PDE4B: variants seen among roughly 807,000 people sequenced by gnomAD.
PDE4B encodes phosphodiesterase 4B.
PDE4B carries 20 observed loss-of-function variants against 82.2 expected under a neutral mutation model. The ratio of observed to expected loss-of-function variants is 0.24; its 90% CI spans 0.17 to 0.35. The LOEUF (loss-of-function observed/expected upper bound fraction) is 0.35. PDE4B is among the 10% of genes least tolerant of loss of function. The pLI, the probability that PDE4B is intolerant of heterozygous loss-of-function variation, is 1.00. For synonymous variants in PDE4B, 320 were observed against 318.9 expected, an observed-to-expected ratio of 1.00 and a Z score of -0.04; for missense variants, 655 against 907.2, an observed-to-expected ratio of 0.72 and a Z score of 3.57.
At chr1:66,329,823 C>A (rs1313337831) in intron 7 of PDE4B, among the ~76,000 whole-genome samples, 1 of 152,178 alleles carries the variant, frequency 6.6e-6, no homozygotes, top group Non-Finnish European at 1.5e-5. Context: ...TCATGATTCT[C>A]ACTCCAAATC....
At chr1:66,043,784 C>A (rs1259873247) in intron 3 of PDE4B, among the ~76,000 whole-genome samples, 2 of 151,650 alleles carry the variant, frequency 1.3e-5, no homozygotes, top group African/African-American at 4.8e-5. Flanking sequence ...AGAACCAACA[C>A]AAAACAGGCA....
intron 3 of PDE4B, among the ~76,000 whole-genome samples, chr1:66,204,561 C>T (rs1367732090): frequency 6.6e-6 from 1 of 152,230 alleles, no homozygotes; most frequent in Non-Finnish European, 1.5e-5. Context: ...GTGCCCCTCC[C>T]CCAGCCTCAC....
At position 66,290,157 on chromosome 1, in the gene PDE4B, G is replaced by A. The variant is rs375826517; in HGVS notation, c.634+24070G>A. 1.7e-3 allele frequency among the ~76,000 whole-genome samples: 261 copies of A among 152,246 alleles called. 2 individuals are homozygous for A. Among genetic ancestry groups the A allele is most frequent in the South Asian group, 8.5e-3 (41 of 4,826 alleles). On this transcript the variant is annotated intron_variant, in intron 7 of 16. Coordinates refer to ENST00000341517, the MANE Select transcript of PDE4B (RefSeq NM_002600.4). ...ATCAACACAGCAGAGAAAAGATTAG[G>A]CAGAGAGATAAGTTTTAAGAGTTGC...
chr1:66,070,260 G>C (rs1372410972), intron 3 of PDE4B, among the ~76,000 whole-genome samples: 3 of 151,706 alleles, frequency 2.0e-5, no homozygotes, highest in African/African-American at 7.3e-5. Flanking sequence ...TTTTCCTCAG[G>C]AGAAAAAGGT....
intron 7 of PDE4B, among the ~76,000 whole-genome samples, chr1:66,297,281 G>A (rs533052126): frequency 6.6e-6 from 1 of 152,224 alleles, no homozygotes; most frequent in East Asian, 1.9e-4. Flanking sequence ...CCCATTTCAT[G>A]AATAGATGTT....
chr1:66,240,003 T>C (rs1652761999), intron 3 of PDE4B, among the ~76,000 whole-genome samples: 1 of 152,268 alleles, frequency 6.6e-6, no homozygotes, highest in African/African-American at 2.4e-5. Flanking sequence ...TGATTTTTGC[T>C]GTGTGTGGTC....
intron 3 of PDE4B, among the ~76,000 whole-genome samples, chr1:66,008,937 T>G (rs1356429251): frequency 6.6e-6 from 1 of 152,130 alleles, no homozygotes; most frequent in Non-Finnish European, 1.5e-5. Flanking sequence ...CTAGGCCAAG[T>G]ATCTCAATCT....
intron 3 of PDE4B, among the ~76,000 whole-genome samples, chr1:66,084,592 T>A (rs1473554917): frequency 6.6e-6 from 1 of 152,034 alleles, no homozygotes; most frequent in Admixed American, 6.5e-5. Context: ...CCCAAGAAAC[T>A]CATCCAGTAG....
chr1:66,224,573 C>T (rs763252968), intron 3 of PDE4B, among the ~76,000 whole-genome samples: 24 of 152,104 alleles, frequency 1.6e-4, no homozygotes, highest in Admixed American at 1.2e-3. Flanking sequence ...AAAAAACTTA[C>T]GTGGGCACTG....
At chr1:65,835,225 A>T (rs1359145003) in intron 1 of PDE4B, among the ~76,000 whole-genome samples, 1 of 152,140 alleles carries the variant, frequency 6.6e-6, no homozygotes, top group African/African-American at 2.4e-5. Context: ...TGGCTGTTTC[A>T]TAGGGCAGTA....
intron 1 of PDE4B, among the ~76,000 whole-genome samples, chr1:65,814,623 C>T (rs138107889): frequency 2.1e-3 from 313 of 152,268 alleles, no homozygotes; most frequent in African/African-American, 6.5e-3. Context: ...CTAACCCATC[C>T]TTTGGCAAAC....
intron 1 of PDE4B, among the ~76,000 whole-genome samples, chr1:65,802,249 C>T (rs1232064880): frequency 6.6e-5 from 10 of 152,238 alleles, no homozygotes; most frequent in African/African-American, 1.4e-4. Context: ...AATTGGGCTC[C>T]TTCCTGCTTT....
rs923432423 is a variant in PDE4B, at chr1:66,159,304, G to A, written c.282-88156G>A. Among the ~76,000 whole-genome samples, 76 of 150,994 alleles carry A rather than the reference G, an allele frequency of 5.0e-4. 1 individual carries two copies. Among genetic ancestry groups the A allele is most frequent in the Non-Finnish European group, 8.5e-4 (58 of 67,880 alleles). Reference sequence around the variant, plus strand: ...GTTGCCCAGGCTGGAGTGTAGTGGCGCATTCTTGGCTCACTGCTTTGCCTC... The same window carrying A: ...GTTGCCCAGGCTGGAGTGTAGTGGCACATTCTTGGCTCACTGCTTTGCCTC... On this transcript the variant is annotated intron_variant, in intron 3 of 16. Coordinates refer to ENST00000341517, the MANE Select transcript of PDE4B (RefSeq NM_002600.4).
chr1:66,360,126 G>C (rs948004698), intron 9 of PDE4B, among the ~76,000 whole-genome samples: 5 of 152,066 alleles, frequency 3.3e-5, no homozygotes, highest in African/African-American at 1.2e-4. Flanking sequence ...GTATTTTTCT[G>C]AAGTTTCCTG....
intron 7 of PDE4B, among the ~76,000 whole-genome samples, chr1:66,318,697 G>A (rs994567541): frequency 1.3e-5 from 2 of 152,110 alleles, no homozygotes; most frequent in Non-Finnish European, 2.9e-5. Flanking sequence ...AGAAACAGGT[G>A]TAATTAATTT....
chr1:65,987,619 A>AT (rs559536928), intron 3 of PDE4B, among the ~76,000 whole-genome samples: 11 of 151,058 alleles, frequency 7.3e-5, no homozygotes, highest in African/African-American at 1.7e-4. Context: ...TGATTTATTT[A>AT]TTTTTTTTTG....
At chr1:66,330,077 C>G (rs1372914665) in intron 7 of PDE4B, among the ~76,000 whole-genome samples, 1 of 152,208 alleles carries the variant, frequency 6.6e-6, no homozygotes. Context: ...AACCTCTGTG[C>G]CCATGGCTTA....
chr1:65,938,428 G>T (rs1287362852), intron 3 of PDE4B, among the ~76,000 whole-genome samples: 1 of 152,164 alleles, frequency 6.6e-6, no homozygotes, highest in Non-Finnish European at 1.5e-5. Context: ...GAGGATGCTG[G>T]ATGTTCATAT....
intron 12 of PDE4B, among the ~76,000 whole-genome samples, chr1:66,364,327 G>A (rs776677101): frequency 6.6e-6 from 1 of 152,182 alleles, no homozygotes; most frequent in Non-Finnish European, 1.5e-5. Context: ...AATTAATGAT[G>A]CTGAAACAAG....
Sources: allele counts gnomAD v4.1 joint callset (sites outside exome capture counted in the v4.1 genomes callset), GRCh38; gene constraint gnomAD v4.1.1; transcripts MANE v1.5; gene names NCBI Gene and HGNC (gene_info 2026-07-23, HGNC 2026-07-21).